The following VAMP7 variants were observed in gnomAD, a reference collection of about 807,000 sequenced individuals.
VAMP7 encodes the protein vesicle associated membrane protein 7, also known as vesicle-associated membrane protein 7.
Under a neutral mutation model 29.6 loss-of-function variants are expected in VAMP7, and 14 were observed. The observed-to-expected ratio is 0.47, with a 90% CI of 0.31 to 0.74. The LOEUF (loss-of-function observed/expected upper bound fraction) is 0.74. Ranked by LOEUF, VAMP7 falls within the 30% of genes least tolerant of loss-of-function variation. The pLI, the probability that VAMP7 is intolerant of heterozygous loss-of-function variation, is 0.05. For synonymous variants in VAMP7, 95 were observed against 88.1 expected (o/e 1.08, Z -0.44); for missense variants, 223 against 262.4 (o/e 0.85, Z 1.04).
chrX:155,920,896 TAGG>T (rs1409909978), intron 6 of VAMP7, among the ~76,000 whole-genome samples: 1 of 152,204 alleles, frequency 6.6e-6, no homozygotes, highest in Non-Finnish European at 1.5e-5. Context: ...TCAGGTTTTC[TAGG>T]AGTTTATAAA....
At chrX:155,907,803 G>A (rs756206363) in intron 5 of VAMP7, among the ~76,000 whole-genome samples, 36 of 152,260 alleles carry the variant, frequency 2.4e-4, no homozygotes, top group East Asian at 7.7e-4. Flanking sequence ...CCTCCCAGAC[G>A]GGGCGGCTGC....
chrX:155,919,872 G>A lies in VAMP7; in HGVS notation c.493G>A (p.Val165Met), dbSNP rs143522328. 31 of 1,611,744 alleles carry A rather than the reference G, an allele frequency of 1.9e-5. No individual in the cohort carries two copies. The Admixed American group carries it at 2.2e-4, about 11-fold the overall frequency. The change falls in exon 6 of 8, where the codon GTG becomes ATG. Residue 165 changes from valine to methionine, a missense_variant. Val to Met is a conservative substitution (Grantham distance 21). Transcript: ENST00000286448. ...ELLIDKTENLVDSSVTFKTTS... is the reference protein window; with the variant it reads ...ELLIDKTENLMDSSVTFKTTS... ...ATTGATTGACAAAACAGAAAATCTTGTGGATTCTGTAAGTATGGAATCTGA... is the reference window on the plus strand; with the variant it reads ...ATTGATTGACAAAACAGAAAATCTTATGGATTCTGTAAGTATGGAATCTGA...
chrX:155,895,600 G>A lies in VAMP7; in HGVS notation c.147-23G>A, dbSNP rs767754910. On this transcript the variant is annotated intron_variant, in intron 2 of 7. Transcript: ENST00000286448. Reference sequence around the variant, plus strand: ...GTGATGTTGCTTATAACCACAGTAAGTTTTATATCTTTTATTCTACAGTTA... The same window carrying A: ...GTGATGTTGCTTATAACCACAGTAAATTTTATATCTTTTATTCTACAGTTA... 6.3e-6 allele frequency: 10 copies of A among 1,582,882 alleles called. No individual in the cohort carries two copies. In the East Asian group the frequency reaches 2.2e-4, roughly 35 times the overall value.
At chrX:155,898,277 T>C in intron 4 of VAMP7, 28 bp downstream of exon 4, 1 of 1,608,700 alleles carries the variant, frequency 6.2e-7, no homozygotes, top group African/African-American at 1.3e-5. Flanking sequence ...ATAAGGTATT[T>C]TGATTTATAT....
rs1292692060 is a variant in VAMP7, at chrX:155,886,395, T to C, written c.-9-3063T>C. Among the ~76,000 whole-genome samples the C allele has an allele frequency of 2.6e-5, 4 of 152,330 alleles. No individual in the cohort carries two copies. The East Asian group carries it at 7.7e-4, about 29-fold the overall frequency. On this transcript the variant is annotated intron_variant, in intron 1 of 7. Coordinates refer to ENST00000286448, the MANE Select transcript of VAMP7 (RefSeq NM_005638.6). The stretch of plus-strand genomic sequence containing the variant: ...TGACATCTGGAAGGAAAGTAAAGTT[T>C]CTGTTGCTATGTACCCACTGTTTAA...
chrX:155,940,910 G>T (rs2066734610), intron 7 of VAMP7, among the ~76,000 whole-genome samples: 1 of 152,136 alleles, frequency 6.6e-6, no homozygotes, highest in South Asian at 2.1e-4. Context: ...AAGGCAAAAT[G>T]CTTTGCTCAC....
chrX:155,928,274 A>G (rs2066499596), intron 6 of VAMP7, among the ~76,000 whole-genome samples: 1 of 152,116 alleles, frequency 6.6e-6, no homozygotes, highest in Non-Finnish European at 1.5e-5. Context: ...TCAACTTTTT[A>G]TATATGGTTA....
At chrX:155,896,819 T>C (rs921415728) in intron 3 of VAMP7, among the ~76,000 whole-genome samples, 2 of 152,174 alleles carry the variant, frequency 1.3e-5, no homozygotes, top group Admixed American at 6.5e-5. Context: ...GTTCCTAATC[T>C]TTATTGTATC....
chrX:155,909,776 G>T (rs1427287805), intron 5 of VAMP7, among the ~76,000 whole-genome samples: 1 of 152,118 alleles, frequency 6.6e-6, no homozygotes, highest in African/African-American at 2.4e-5. Context: ...CTCCCATCAG[G>T]CAAGGAAAAG....
rs191618569 is a variant in VAMP7 at position 155,882,065 on chromosome X, A to G, written c.-10+617A>G. Among the ~76,000 whole-genome samples the G allele has an allele frequency of 6.3e-3, 956 of 151,822 alleles. 12 individuals carry two copies. Among genetic ancestry groups the G allele is most frequent in the African/African-American group, 0.022 (915 of 41,138 alleles). On this transcript the variant is annotated intron_variant, in intron 1 of 7. Transcript: ENST00000286448. ...TCTCCCATAACTCTCACAACCAACC[A>G]ACTGTCTTCATTTGGCCTCATTAAT...
intron 1 of VAMP7, 67 bp from the exon 2 acceptor site, chrX:155,889,391 A>C (rs761217386): frequency 6.4e-7 from 1 of 1,561,144 alleles, no homozygotes; most frequent in Admixed American, 1.8e-5. Context: ...GATAAATGAT[A>C]GTAAGTTACC....
At chrX:155,926,030 C>T (rs1402410784) in intron 6 of VAMP7, among the ~76,000 whole-genome samples, 1 of 152,170 alleles carries the variant, frequency 6.6e-6, no homozygotes, top group Non-Finnish European at 1.5e-5. Flanking sequence ...TGTACACCAT[C>T]CTGTAAACAG....
At chrX:155,910,657 G>C (rs1049147553) in intron 5 of VAMP7, among the ~76,000 whole-genome samples, 15 of 151,434 alleles carry the variant, frequency 9.9e-5, no homozygotes, top group Non-Finnish European at 1.9e-4. Flanking sequence ...TTCTAACTGG[G>C]GTAACATGAT....
In VAMP7 at chrX:155,933,929, G is replaced by T. The variant is rs945344664; in HGVS notation, c.502-5772G>T. ...TGTTCTCATTGGTTTCAAAGAACAT[G>T]TTTATTTCTGCATTCATTTCGTTAT... is the stretch of plus-strand genomic sequence containing the variant. On this transcript the variant is annotated intron_variant, in intron 6 of 7. Transcript: ENST00000286448. Among the ~76,000 whole-genome samples, 205 of 152,124 alleles carry T rather than the reference G, an allele frequency of 1.3e-3. 3 individuals carry two copies. Among genetic ancestry groups the T allele is most frequent in the African/African-American group, 4.6e-3 (189 of 41,526 alleles).
chrX:155,907,419 G>A (rs1206989349), intron 5 of VAMP7, among the ~76,000 whole-genome samples: 8 of 151,860 alleles, frequency 5.3e-5, no homozygotes, highest in South Asian at 2.1e-4. Context: ...AGGACCCTGC[G>A]GCCTTCCACA....
chrX:155,932,265 A>G (rs1279378030), intron 6 of VAMP7, among the ~76,000 whole-genome samples: 4 of 152,080 alleles, frequency 2.6e-5, no homozygotes, highest in Non-Finnish European at 2.9e-5. Context: ...GTAGCTTGAT[A>G]GGGATGGCAT....
intron 6 of VAMP7, among the ~76,000 whole-genome samples, chrX:155,928,242 AGT>A (rs988681475): frequency 6.6e-6 from 1 of 151,976 alleles, no homozygotes; most frequent in African/African-American, 2.4e-5. Context: ...TGGTTTTAAG[AGT>A]GTCTTTTTAT....
chrX:155,921,145 T>C (rs1371015760), intron 6 of VAMP7, among the ~76,000 whole-genome samples: 3 of 152,150 alleles, frequency 2.0e-5, no homozygotes, highest in Non-Finnish European at 2.9e-5. Flanking sequence ...CTTTGACCAA[T>C]AGTAGTATGA....
chrX:155,924,625 C>T (rs1331308093), intron 6 of VAMP7, among the ~76,000 whole-genome samples: 3 of 152,072 alleles, frequency 2.0e-5, no homozygotes, highest in Non-Finnish European at 4.4e-5. Context: ...ATCACCTGAG[C>T]CTTCAGTGAG....
Sources: gnomAD v4.1 joint callset for allele counts (sites outside exome capture counted in the v4.1 genomes callset) on GRCh38, gnomAD v4.1.1 for gene constraint, MANE v1.5 for transcripts, NCBI Gene and HGNC (gene_info 2026-07-23, HGNC 2026-07-21) for gene names.